ERP27: variants seen among roughly 807,000 people sequenced by gnomAD.
ERP27 encodes the protein endoplasmic reticulum protein 27.
A neutral mutation model predicts 27.7 loss-of-function variants in ERP27; 23 were observed. That is an observed-to-expected ratio of 0.83 (90% CI 0.60 to 1.18). The LOEUF (loss-of-function observed/expected upper bound fraction) is 1.18, where lower values mean the gene tolerates loss of function less well. Among genes scored for constraint, ERP27 ranks in the 50% most tolerant of loss-of-function variants. The pLI, the probability that ERP27 is intolerant of heterozygous loss-of-function variation, is 0.00. For synonymous variants in ERP27, 159 were observed against 118.3 expected, an observed-to-expected ratio of 1.34 and a Z score of -2.23; for missense variants, 363 against 327.9, an observed-to-expected ratio of 1.11 and a Z score of -0.83.
chr12:14,930,187 A>G (rs1443776127), intron 3 of ERP27, among the ~76,000 whole-genome samples: 3 of 152,204 alleles, frequency 2.0e-5, no homozygotes, highest in African/African-American at 7.2e-5. Flanking sequence ...AAAATGAAAT[A>G]AAATAAAATA....
chr12:14,928,729 G>A (rs747779513), intron 3 of ERP27, among the ~76,000 whole-genome samples: 19 of 152,110 alleles, frequency 1.2e-4, no homozygotes, highest in Non-Finnish European at 2.5e-4. Flanking sequence ...ATATTTAATT[G>A]TTTAAAAATT....
In ERP27 at chr12:14,914,690, T is replaced by C; in HGVS notation, c.*45A>G. On this transcript the variant is annotated 3_prime_UTR_variant, in exon 7 of 7. Transcript: ENST00000266397. Reference sequence around the variant, plus strand: ...TGAGATTTGAGTTGTGCCTTTTTACTTTGCATAAAGTAGATACTTGGCCAT... The same window carrying C: ...TGAGATTTGAGTTGTGCCTTTTTACCTTGCATAAAGTAGATACTTGGCCAT... 1.3e-6 allele frequency: 2 copies of C among 1,574,834 alleles called. No individual in the cohort carries two copies. Among genetic ancestry groups the C allele is most frequent in the Non-Finnish European group, 8.7e-7 (1 of 1,152,614 alleles).
rs1165836399 is a variant in ERP27, at chr12:14,914,592, A to G, written c.*143T>C. 13 of 609,826 alleles carry G rather than the reference A, an allele frequency of 2.1e-5. No individual in the cohort carries two copies. Among genetic ancestry groups the G allele is most frequent in the Admixed American group, 1.5e-4 (5 of 32,578 alleles). 37.8% of individuals were successfully genotyped at this position (609,826 alleles called of 1,614,324 possible). On this transcript the variant is annotated 3_prime_UTR_variant, in exon 7 of 7. Coordinates refer to ENST00000266397, the MANE Select transcript of ERP27 (RefSeq NM_152321.4). ...TGTGTGTGTGTGCGTGTGTGTGTGC[A>G]CGCGTGCGTGCGTGTGTGCACGTGC... is the stretch of plus-strand genomic sequence containing the variant.
chr12:14,930,152 G>A (rs1484658001), intron 3 of ERP27, among the ~76,000 whole-genome samples: 1 of 151,968 alleles, frequency 6.6e-6, no homozygotes, highest in Non-Finnish European at 1.5e-5. Flanking sequence ...TTCATGTTAT[G>A]CACATGTATC....
At chr12:14,921,191 GACAA>G in intron 3 of ERP27, 143 bp from the exon 4 acceptor site, 1 of 657,992 alleles carries the variant, frequency 1.5e-6, no homozygotes, top group Non-Finnish European at 2.6e-6. Context: ...GCCCTAGGGG[GACAA>G]ACTGTCCTGT....
intron 3 of ERP27, chr12:14,929,098 G>A (rs1158847232): frequency 6.6e-7 from 1 of 1,516,416 alleles, no homozygotes; most frequent in East Asian, 2.5e-5. Flanking sequence ...TAGGTCTGGT[G>A]CCTGCACCTC....
intron 3 of ERP27, among the ~76,000 whole-genome samples, chr12:14,934,143 A>G (rs1242902016): frequency 6.6e-6 from 1 of 152,158 alleles, no homozygotes; most frequent in Non-Finnish European, 1.5e-5. Flanking sequence ...CCTGGGATCC[A>G]GTGAGATTGG....
chr12:14,934,611 G>A (rs1863747529), intron 3 of ERP27, among the ~76,000 whole-genome samples: 1 of 152,172 alleles, frequency 6.6e-6, no homozygotes, highest in Admixed American at 6.5e-5. Context: ...AAAGTCATGT[G>A]GCTGTTGAGC....
intron 3 of ERP27, among the ~76,000 whole-genome samples, chr12:14,921,610 C>A (rs1356785026): frequency 2.0e-5 from 3 of 152,146 alleles, no homozygotes; most frequent in African/African-American, 4.8e-5. Context: ...TATTTATGTA[C>A]CCTTTTACTG....
At chr12:14,917,341 A>G in intron 4 of ERP27, 38 bp from the exon 5 acceptor site, 1 of 1,613,796 alleles carries the variant, frequency 6.2e-7, no homozygotes, top group Non-Finnish European at 8.5e-7. Context: ...AGTGAAAGCG[A>G]GAAAGAATGC....
At chr12:14,920,259 G>C (rs1163420938) in intron 4 of ERP27, among the ~76,000 whole-genome samples, 3 of 152,206 alleles carry the variant, frequency 2.0e-5, no homozygotes, top group Non-Finnish European at 4.4e-5. Context: ...TGCAACACCA[G>C]AGGAAGACAC....
intron 3 of ERP27, among the ~76,000 whole-genome samples, chr12:14,926,080 A>AT (rs1376445467): frequency 6.6e-6 from 1 of 152,086 alleles, no homozygotes; most frequent in African/African-American, 2.4e-5. Context: ...AAAAAAAAAA[A>AT]AGGTGTTAAA....
Position 14,916,324 on chromosome 12 carries a change from C to T in ERP27, c.577-638G>A, listed in dbSNP as rs568687456. Among the ~76,000 whole-genome samples the T allele has an allele frequency of 5.8e-4, 88 of 152,192 alleles. 1 individual carries two copies. In the South Asian group the frequency reaches 0.018, roughly 31 times the overall value. The stretch of plus-strand genomic sequence containing the variant: ...GCCTAATGGTTAGGAGCAGAGAGCA[C>T]GTTTTAAATTCTGCCTCTGGTACTC... On this transcript the variant is annotated intron_variant, in intron 5 of 6. Transcript: ENST00000266397.
At chr12:14,934,264 T>C (rs1002336243) in intron 3 of ERP27, among the ~76,000 whole-genome samples, 2 of 152,180 alleles carry the variant, frequency 1.3e-5, no homozygotes, top group Admixed American at 6.5e-5. Context: ...TTCTTTTTTT[T>C]CAGAATTCCC....
At chr12:14,917,437 G>T in intron 4 of ERP27, 134 bp from the exon 5 acceptor site, 4 of 1,224,480 alleles carry the variant, frequency 3.3e-6, no homozygotes, top group Admixed American at 1.9e-5. Context: ...TAGCTTCCAA[G>T]ATGGCTCTCA....
chr12:14,925,640 T>C (rs140098048), intron 3 of ERP27, among the ~76,000 whole-genome samples: 17 of 152,316 alleles, frequency 1.1e-4, no homozygotes, highest in Middle Eastern at 3.4e-3. Flanking sequence ...ATTTGTATTA[T>C]TTGTGTCTTT....
intron 3 of ERP27, among the ~76,000 whole-genome samples, chr12:14,924,755 T>C (rs12314339): frequency 0.047 from 7,165 of 152,272 alleles, 488 homozygotes; most frequent in African/African-American, 0.15. Flanking sequence ...TGAGACCTAC[T>C]GGGCTGCATT....
intron 3 of ERP27, among the ~76,000 whole-genome samples, chr12:14,932,405 G>T (rs771129013): frequency 1.3e-5 from 2 of 152,094 alleles, no homozygotes; most frequent in African/African-American, 2.4e-5. Context: ...GGGGACCCTT[G>T]GCGGGTGGTG....
At chr12:14,928,183 A>G (rs1014885214) in intron 3 of ERP27, among the ~76,000 whole-genome samples, 49 of 152,332 alleles carry the variant, frequency 3.2e-4, no homozygotes, top group African/African-American at 1.0e-3. Context: ...CTGCCCAATC[A>G]GATCTTGCCT....
Sources: gnomAD v4.1 joint callset for allele counts (sites outside exome capture counted in the v4.1 genomes callset) on GRCh38, gnomAD v4.1.1 for gene constraint, MANE v1.5 for transcripts, NCBI Gene and HGNC (gene_info 2026-07-23, HGNC 2026-07-21) for gene names.